Variants in ASCC3 observed in about 807,000 individuals in gnomAD.
The protein encoded by ASCC3 is ASC-1 complex subunit P200.
A neutral mutation model predicts 256.3 loss-of-function variants in ASCC3; 158 were observed. That is an observed-to-expected ratio of 0.62 (90% CI 0.54 to 0.70). The LOEUF (loss-of-function observed/expected upper bound fraction) is 0.70, where lower values mean the gene tolerates loss of function less well. ASCC3 is among the 30% of genes least tolerant of loss of function. ASCC3 has a pLI of 0.00. For synonymous variants in ASCC3, 948 were observed against 883.4 expected, an observed-to-expected ratio of 1.07 and a Z score of -1.30; for missense variants, 2,259 against 2,626.0, an observed-to-expected ratio of 0.86 and a Z score of 3.05.
intron 4 of ASCC3, among the ~76,000 whole-genome samples, chr6:100,846,252 T>C (rs1338997348): frequency 6.6e-6 from 1 of 152,190 alleles, no homozygotes; most frequent in African/African-American, 2.4e-5. Context: ...TTGAAAATTA[T>C]ACTGAAAATT....
At position 100,509,974 on chromosome 6, in the gene ASCC3, T is replaced by C; in HGVS notation, c.6419A>G (p.His2140Arg). ...GGTATAAAAAGAAAGGGAAGCAACATGATGATTTCGAATATATCCTACTCT... is the reference window on the plus strand; with the variant it reads ...GGTATAAAAAGAAAGGGAAGCAACACGATGATTTCGAATATATCCTACTCT... ...LKRVGYIRNH[H>R]VASLSFYTPE... The change falls in exon 41 of 42, where the codon CAT becomes CGT. Residue 2140 changes from histidine to arginine, a missense_variant. This residue lies in a region of ASCC3 where 1,839 missense variants were observed against 2,206.7 expected (regional missense o/e 0.83). Transcript: ENST00000369162. 1.9e-6 allele frequency: 3 copies of C among 1,614,014 alleles called. No homozygotes were observed. Among genetic ancestry groups the C allele is most frequent in the Non-Finnish European group, 2.5e-6 (3 of 1,179,932 alleles).
At chr6:100,612,283 AAGG>A (rs1447365940) in intron 30 of ASCC3, among the ~76,000 whole-genome samples, 1 of 152,170 alleles carries the variant, frequency 6.6e-6, no homozygotes, top group Admixed American at 6.5e-5. Flanking sequence ...TTGGCACCAA[AAGG>A]AGGAGACCAG....
At chr6:100,873,240 T>C (rs1773836964) in intron 1 of ASCC3, among the ~76,000 whole-genome samples, 1 of 152,124 alleles carries the variant, frequency 6.6e-6, no homozygotes, top group Non-Finnish European at 1.5e-5. Flanking sequence ...CAAAATCCTC[T>C]GGAAAGTCTC....
chr6:100,743,597 T>C (rs888525290), intron 10 of ASCC3, among the ~76,000 whole-genome samples: 40 of 152,212 alleles, frequency 2.6e-4, no homozygotes, highest in African/African-American at 9.4e-4. Context: ...TGGGTGGTCC[T>C]ATTAACATGG....
At chr6:100,673,163 G>C (rs149461994) in intron 14 of ASCC3, among the ~76,000 whole-genome samples, 2 of 151,962 alleles carry the variant, frequency 1.3e-5, no homozygotes, top group African/African-American at 4.8e-5. Context: ...ATAGAAATAA[G>C]TTGGCATTCC....
intron 24 of ASCC3, among the ~76,000 whole-genome samples, chr6:100,639,342 G>C (rs138939143): frequency 1.3e-5 from 2 of 152,246 alleles, no homozygotes; most frequent in African/African-American, 4.8e-5. Context: ...GCATGACTGA[G>C]TAAACAAAAC....
At chr6:100,566,025 T>G (rs1389236839) in intron 36 of ASCC3, among the ~76,000 whole-genome samples, 13 of 152,024 alleles carry the variant, frequency 8.6e-5, no homozygotes, top group Non-Finnish European at 1.6e-4. Flanking sequence ...TCTGAATCCC[T>G]AAAAATGTAA....
intron 37 of ASCC3, among the ~76,000 whole-genome samples, chr6:100,533,358 A>G (rs1775009567): frequency 6.6e-6 from 1 of 152,212 alleles, no homozygotes; most frequent in South Asian, 2.1e-4. Flanking sequence ...GCATCTTAGA[A>G]TTAAACAAAA....
intron 36 of ASCC3, among the ~76,000 whole-genome samples, chr6:100,554,232 T>C (rs983757843): frequency 6.6e-6 from 1 of 152,186 alleles, no homozygotes; most frequent in Non-Finnish European, 1.5e-5. Context: ...TGAATGTTGG[T>C]TGAGTGTGTG....
At chr6:100,560,281 T>C (rs1769863942) in intron 36 of ASCC3, among the ~76,000 whole-genome samples, 1 of 152,180 alleles carries the variant, frequency 6.6e-6, no homozygotes, top group Non-Finnish European at 1.5e-5. Flanking sequence ...AAGTTATATT[T>C]AAAGACAACA....
intron 37 of ASCC3, among the ~76,000 whole-genome samples, chr6:100,519,097 A>G (rs1265914154): frequency 1.3e-5 from 2 of 152,144 alleles, no homozygotes; most frequent in African/African-American, 4.8e-5. Context: ...TGTTGTAAAA[A>G]TTAATTTGCT....
chr6:100,737,160 A>C (rs373105781), intron 10 of ASCC3, among the ~76,000 whole-genome samples: 5 of 128,532 alleles, frequency 3.9e-5, no homozygotes, highest in Admixed American at 3.8e-4. Context: ...AAAAAAAAAA[A>C]GGCGGGGGAG....
chr6:100,802,025 T>A (rs947288680), intron 5 of ASCC3, among the ~76,000 whole-genome samples: 1 of 150,414 alleles, frequency 6.6e-6, no homozygotes, highest in Non-Finnish European at 1.5e-5. Context: ...ATATTATACA[T>A]ACTTATGATC....
chr6:100,621,788 C>T (rs565551893), intron 30 of ASCC3, among the ~76,000 whole-genome samples: 13 of 152,148 alleles, frequency 8.5e-5, no homozygotes, highest in South Asian at 4.2e-4. Flanking sequence ...TACGTGCACA[C>T]GTATGTTCAC....
chr6:100,738,036 C>G (rs1780263971), intron 10 of ASCC3, among the ~76,000 whole-genome samples: 1 of 152,156 alleles, frequency 6.6e-6, no homozygotes, highest in Non-Finnish European at 1.5e-5. Context: ...GGAGAAGTGT[C>G]TGTTCATGTC....
intron 10 of ASCC3, among the ~76,000 whole-genome samples, chr6:100,760,318 A>G (rs1781366112): frequency 6.6e-6 from 1 of 152,176 alleles, no homozygotes; most frequent in South Asian, 2.1e-4. Context: ...ATTCTGAGAT[A>G]TGTTCCACTG....
rs746173351 is a variant in ASCC3, at chr6:100,516,335, A to T, written c.5928-8T>A. ...ATAATCGGCTTCCATTTCCTAGGAAATAATATCAAACCAACCAAATAATTG... is the reference window on the plus strand; with the variant it reads ...ATAATCGGCTTCCATTTCCTAGGAATTAATATCAAACCAACCAAATAATTG... On this transcript the variant is annotated splice_polypyrimidine_tract_variant and splice_region_variant and intron_variant, in intron 38 of 41. Transcript: ENST00000369162. 2.5e-6 allele frequency: 4 copies of T among 1,613,566 alleles called. No homozygotes were observed. Among genetic ancestry groups the T allele is most frequent in the Admixed American group, 1.7e-5 (1 of 59,960 alleles).
chr6:100,567,140 A>C (rs1770303682), intron 36 of ASCC3, among the ~76,000 whole-genome samples: 1 of 152,104 alleles, frequency 6.6e-6, no homozygotes, highest in Non-Finnish European at 1.5e-5. Context: ...AAAACATCAG[A>C]CAATAAACAC....
rs1181554549 is a variant in ASCC3, at chr6:100,788,923, GTGTTGATATTTACATGTTTTTGTTCA to G, written c.1395+9764_1395+9789del. On this transcript the variant is annotated intron_variant, in intron 8 of 41. Transcript: ENST00000369162. Reference sequence around the variant, plus strand: ...CATGATGAAAATGTTGTTTTTGATTGTGTTGATATTTACATGTTTTTGTTCATGTTGATATTTACAAAATCTACTAC... The same window carrying G: ...CATGATGAAAATGTTGTTTTTGATTGTGTTGATATTTACAAAATCTACTAC... Among the ~76,000 whole-genome samples the G allele has an allele frequency of 9.9e-5, 15 of 151,956 alleles. No individual in the cohort carries two copies. The East Asian group carries it at 2.9e-3, about 29-fold the overall frequency.
Sources: gnomAD v4.1 joint callset for allele counts (sites outside exome capture counted in the v4.1 genomes callset) on GRCh38, gnomAD v4.1.1 for gene constraint, gnomAD v4.1.1 regional missense constraint, MANE v1.5 for transcripts, NCBI Gene and HGNC (gene_info 2026-07-23, HGNC 2026-07-21) for gene names.